The following MAST2 variants were observed in gnomAD, a reference collection of about 807,000 sequenced individuals.
MAST2 encodes the protein microtubule-associated serine/threonine-protein kinase 2.
In MAST2, 70 loss-of-function variants were observed where a neutral mutation model predicts 147.4. The ratio of observed to expected loss-of-function variants is 0.47; its 90% CI spans 0.39 to 0.58. The LOEUF (loss-of-function observed/expected upper bound fraction) is 0.58, where lower values mean the gene tolerates loss of function less well. Ranked by LOEUF, MAST2 falls within the 20% of genes least tolerant of loss-of-function variation. MAST2 has a pLI of 0.00. For synonymous variants in MAST2, 869 were observed against 896.8 expected (o/e 0.97, Z 0.55); for missense variants, 2,080 against 2,302.3 (o/e 0.90, Z 1.98).
At chr1:45,840,043 G>T (rs1285945030) in intron 3 of MAST2, among the ~76,000 whole-genome samples, 1 of 152,144 alleles carries the variant, frequency 6.6e-6, no homozygotes, top group Non-Finnish European at 1.5e-5. Flanking sequence ...AAATTTTTGT[G>T]ATTTTAGGTG....
intron 4 of MAST2, among the ~76,000 whole-genome samples, chr1:45,926,764 T>C (rs1654438283): frequency 1.3e-5 from 2 of 152,094 alleles, no homozygotes; most frequent in African/African-American, 4.8e-5. Context: ...TTTTGTTTTT[T>C]CATTGAAAAG....
chr1:45,978,344 T>A (rs188927353), intron 5 of MAST2, among the ~76,000 whole-genome samples: 1 of 152,232 alleles, frequency 6.6e-6, no homozygotes. Context: ...CAAAACCTTG[T>A]CCGTACTAAA....
intron 3 of MAST2, among the ~76,000 whole-genome samples, chr1:45,831,663 G>A (rs184426409): frequency 2.4e-4 from 36 of 152,006 alleles, no homozygotes; most frequent in Admixed American, 7.9e-4. Context: ...TTTTCCCGAA[G>A]CATTTCAAAG....
chr1:45,851,859 C>A (rs745845152), intron 3 of MAST2, among the ~76,000 whole-genome samples: 3 of 152,002 alleles, frequency 2.0e-5, no homozygotes, highest in Non-Finnish European at 2.9e-5. Context: ...AAGCTCCAAA[C>A]AGAAACGTTT....
intron 9 of MAST2, among the ~76,000 whole-genome samples, chr1:46,009,356 C>G (rs1174727896): frequency 2.0e-5 from 3 of 152,106 alleles, no homozygotes; most frequent in African/African-American, 7.2e-5. Context: ...CTGTACCTGG[C>G]CCCATTTGCA....
At chr1:45,814,633 A>C (rs968308861) in intron 1 of MAST2, among the ~76,000 whole-genome samples, 1 of 152,198 alleles carries the variant, frequency 6.6e-6, no homozygotes, top group African/African-American at 2.4e-5. Context: ...CTAAAAATAC[A>C]AAAATTAGCC....
intron 3 of MAST2, among the ~76,000 whole-genome samples, chr1:45,854,576 CA>C (rs1301997916): frequency 2.0e-5 from 3 of 151,934 alleles, no homozygotes; most frequent in Non-Finnish European, 2.9e-5. Flanking sequence ...TTTATATCTA[CA>C]AAAAGTCTTG....
chr1:46,029,185 G>A (rs1214967903), intron 18 of MAST2: 3 of 552,668 alleles, frequency 5.4e-6, no homozygotes, highest in East Asian at 2.9e-5. Flanking sequence ...TCCTGTCTGT[G>A]TATGTGCACA....
At chr1:45,932,160 G>A (rs113126438) in intron 4 of MAST2, among the ~76,000 whole-genome samples, 1 of 152,000 alleles carries the variant, frequency 6.6e-6, no homozygotes, top group African/African-American at 2.4e-5. Flanking sequence ...GTATTTTATG[G>A]GAATGTTCTT....
At chr1:45,873,478 G>A (rs1646481213) in intron 3 of MAST2, among the ~76,000 whole-genome samples, 1 of 152,000 alleles carries the variant, frequency 6.6e-6, no homozygotes, top group African/African-American at 2.4e-5. Context: ...GATTACAGGT[G>A]TGAGCCACCA....
intron 4 of MAST2, among the ~76,000 whole-genome samples, chr1:45,924,533 G>A (rs911918248): frequency 6.6e-6 from 1 of 152,120 alleles, no homozygotes; most frequent in African/African-American, 2.4e-5. Context: ...TGCCCACCTT[G>A]GCATCTGCAC....
intron 5 of MAST2, among the ~76,000 whole-genome samples, chr1:45,974,256 A>G (rs1164506485): frequency 2.6e-5 from 4 of 152,166 alleles, no homozygotes; most frequent in African/African-American, 9.7e-5. Flanking sequence ...TACAGTGCAG[A>G]TTATGGCTGG....
Position 46,025,663 on chromosome 1 carries a change from T to C in MAST2, c.1781-14T>C, listed in dbSNP as rs751407591. 6.2e-7 allele frequency: 1 copy of C among 1,613,938 alleles called. No homozygotes were observed. The highest frequency in any genetic ancestry group is 2.2e-5 in the East Asian group (1 of 44,888). ...ACTGAATCCTTTCCTCATGGTAGCC[T>C]GGGCTTGTTGCAGGGGGAGACTGTG... On this transcript the variant is annotated splice_polypyrimidine_tract_variant and intron_variant, in intron 15 of 28. Coordinates refer to ENST00000361297, the MANE Select transcript of MAST2 (RefSeq NM_015112.3).
intron 4 of MAST2, among the ~76,000 whole-genome samples, chr1:45,950,062 T>C (rs902103488): frequency 2.0e-5 from 3 of 152,120 alleles, no homozygotes; most frequent in Non-Finnish European, 4.4e-5. Context: ...CATTGAGGTC[T>C]ACTTGGGGGT....
At chr1:45,819,788 A>G (rs535122688) in intron 1 of MAST2, among the ~76,000 whole-genome samples, 7 of 152,332 alleles carry the variant, frequency 4.6e-5, no homozygotes, top group African/African-American at 1.7e-4. Flanking sequence ...TACAGATTCA[A>G]TACAATCCAT....
intron 3 of MAST2, among the ~76,000 whole-genome samples, chr1:45,866,350 T>G (rs1247994185): frequency 6.6e-6 from 1 of 152,134 alleles, no homozygotes; most frequent in African/African-American, 2.4e-5. Context: ...TTTCTTGGGG[T>G]TATTTTGAGT....
At chr1:45,861,151 C>G (rs1291341237) in intron 3 of MAST2, among the ~76,000 whole-genome samples, 1 of 152,166 alleles carries the variant, frequency 6.6e-6, no homozygotes. Context: ...TTACTTTCCT[C>G]CTCTTTTAGC....
intron 5 of MAST2, among the ~76,000 whole-genome samples, chr1:45,992,286 G>C (rs1030396016): frequency 6.6e-6 from 1 of 152,110 alleles, no homozygotes; most frequent in African/African-American, 2.4e-5. Context: ...TGCTTTTTCT[G>C]TATCAGTTGA....
In MAST2 at chr1:45,907,418, T is replaced by C. The variant is rs564347169; in HGVS notation, c.500+25023T>C. 6.6e-4 allele frequency among the ~76,000 whole-genome samples: 101 copies of C among 152,186 alleles called. 1 individual carries two copies. The highest frequency in any genetic ancestry group is 4.2e-4 in the South Asian group (2 of 4,812). ...CTTTTGAATTAATTTCTTTAAAGTCTTAAAAATTATGGCAAGGTATATATA... is the reference window on the plus strand; with the variant it reads ...CTTTTGAATTAATTTCTTTAAAGTCCTAAAAATTATGGCAAGGTATATATA... On this transcript the variant is annotated intron_variant, in intron 4 of 28. Coordinates refer to ENST00000361297, the MANE Select transcript of MAST2 (RefSeq NM_015112.3).
Sources: allele counts gnomAD v4.1 joint callset (sites outside exome capture counted in the v4.1 genomes callset), GRCh38; gene constraint gnomAD v4.1.1; transcripts MANE v1.5; gene names NCBI Gene and HGNC (gene_info 2026-07-23, HGNC 2026-07-21).